The following SUGCT variants were observed in gnomAD, a reference collection of about 807,000 sequenced individuals.
The protein encoded by SUGCT is succinyl-CoA:glutarate-CoA transferase.
In SUGCT, 41 loss-of-function variants were observed where a neutral mutation model predicts 55.0. That is an observed-to-expected ratio of 0.74 (90% CI 0.58 to 0.97). SUGCT has a LOEUF of 0.97. SUGCT is among the 50% of genes least tolerant of loss of function. The pLI is 0.00. For missense variants in SUGCT, 568 were observed against 547.8 expected (o/e 1.04, Z -0.37); for synonymous variants, 187 against 200.4 (o/e 0.93, Z 0.56).
chr7:40,145,984 C>A (rs1237839090), intron 1 of SUGCT, among the ~76,000 whole-genome samples: 2 of 152,292 alleles, frequency 1.3e-5, no homozygotes, highest in East Asian at 3.9e-4. Context: ...AGATTTAGAT[C>A]CTGTTAGGAA....
chr7:40,343,665 AT>A (rs1191933853), intron 9 of SUGCT, among the ~76,000 whole-genome samples: 2 of 150,164 alleles, frequency 1.3e-5, no homozygotes, highest in South Asian at 2.1e-4. Context: ...TTTTATTATT[AT>A]TTTTTTTTGA....
At chr7:40,503,568 AT>A (rs759836698) in intron 12 of SUGCT, among the ~76,000 whole-genome samples, 17 of 152,174 alleles carry the variant, frequency 1.1e-4, no homozygotes, top group Non-Finnish European at 2.5e-4. Flanking sequence ...AGCATGACAA[AT>A]AAGAGGAGAA....
At chr7:40,507,020 T>C (rs973031383) in intron 12 of SUGCT, among the ~76,000 whole-genome samples, 2 of 151,758 alleles carry the variant, frequency 1.3e-5, no homozygotes, top group African/African-American at 4.8e-5. Flanking sequence ...TGATTTGAAG[T>C]TTTTTTTTCT....
At chr7:40,386,874 A>G (rs1785156432) in intron 9 of SUGCT, among the ~76,000 whole-genome samples, 1 of 152,158 alleles carries the variant, frequency 6.6e-6, no homozygotes, top group African/African-American at 2.4e-5. Flanking sequence ...TGTAGGTGCC[A>G]CAGACCAGCC....
intron 12 of SUGCT, among the ~76,000 whole-genome samples, chr7:40,536,020 TG>T (rs1354398312): frequency 2.6e-5 from 4 of 152,218 alleles, no homozygotes; most frequent in African/African-American, 9.6e-5. Flanking sequence ...TGAGGTTATT[TG>T]TTTTTTGCTT....
chr7:40,976,679 G>A, the SUGCT span, among the ~76,000 whole-genome samples: 1 of 152,154 alleles, frequency 6.6e-6, no homozygotes, highest in Non-Finnish European at 1.5e-5. Flanking sequence ...TGAGAGTGGA[G>A]GATGGAATAT....
Position 40,567,333 on chromosome 7 carries a change from A to G in SUGCT, c.1089+70947A>G, listed in dbSNP as rs1796207105. 2.0e-5 allele frequency among the ~76,000 whole-genome samples: 3 copies of G among 152,194 alleles called. No homozygotes were observed. In the South Asian group the frequency reaches 6.2e-4, roughly 31 times the overall value. On this transcript the variant is annotated intron_variant, in intron 12 of 13. Transcript: ENST00000335693. ...GTGCATTAAAAGTATGTGTTTGTTT[A>G]TGCTGGAAATGCATTCGAATGGCAA...
chr7:40,755,830 A>G lies in SUGCT; in HGVS notation c.1153+6333A>G, dbSNP rs538165483. On this transcript the variant is annotated intron_variant, in intron 13 of 13. Transcript: ENST00000335693. ...GGAAGCAGTCTTCTATACATGCAAA[A>G]GGATTCGAAATTGAATTGCTTCTGC... Among the ~76,000 whole-genome samples the G allele has an allele frequency of 1.2e-4, 18 of 152,320 alleles. 2 individuals are homozygous for G. The South Asian group carries it at 3.7e-3, about 32-fold the overall frequency.
chr7:40,324,248 A>ATATATATAT (rs1562681083), intron 9 of SUGCT, among the ~76,000 whole-genome samples: 9 of 111,058 alleles, frequency 8.1e-5, no homozygotes, highest in African/African-American at 3.1e-4. Context: ...TAAATAAATA[A>ATATATATAT]ATAAATATAT....
At chr7:40,165,519 A>G (rs1784377292) in intron 1 of SUGCT, among the ~76,000 whole-genome samples, 1 of 152,230 alleles carries the variant, frequency 6.6e-6, no homozygotes, top group African/African-American at 2.4e-5. Flanking sequence ...ACTAGAGGCC[A>G]AAAAGACAGA....
chr7:40,162,709 A>G (rs946591359), intron 1 of SUGCT, among the ~76,000 whole-genome samples: 1 of 152,174 alleles, frequency 6.6e-6, no homozygotes, highest in African/African-American at 2.4e-5. Context: ...GTTGGTCTCA[A>G]ACTCCAGGGC....
intron 7 of SUGCT, among the ~76,000 whole-genome samples, chr7:40,254,158 A>C (rs1037006081): frequency 2.6e-5 from 4 of 152,220 alleles, no homozygotes; most frequent in Admixed American, 2.6e-4. Context: ...TGTGAAATTT[A>C]TATTGGAAAG....
chr7:40,418,007 T>C (rs1478491708), intron 9 of SUGCT, among the ~76,000 whole-genome samples: 1 of 152,212 alleles, frequency 6.6e-6, no homozygotes, highest in Non-Finnish European at 1.5e-5. Flanking sequence ...GAGTCAAAGC[T>C]TCATGTGATG....
At chr7:40,301,857 G>T (rs1584624136) in intron 8 of SUGCT, among the ~76,000 whole-genome samples, 1 of 152,298 alleles carries the variant, frequency 6.6e-6, no homozygotes, top group South Asian at 2.1e-4. Flanking sequence ...GTGATATGTG[G>T]GGTAGCTCTG....
intron 9 of SUGCT, among the ~76,000 whole-genome samples, chr7:40,372,575 G>T (rs1281060984): frequency 1.3e-5 from 2 of 151,942 alleles, no homozygotes; most frequent in Admixed American, 1.3e-4. Flanking sequence ...AGATACTCCT[G>T]TAGGCTATAG....
intron 8 of SUGCT, among the ~76,000 whole-genome samples, chr7:40,298,759 T>G (rs1285822978): frequency 1.3e-5 from 2 of 151,550 alleles, no homozygotes; most frequent in African/African-American, 4.9e-5. Flanking sequence ...TGGGTCCAGG[T>G]TTTCAAGAGT....
chr7:40,787,315 G>C (rs751949121), intron 13 of SUGCT, among the ~76,000 whole-genome samples: 1 of 152,072 alleles, frequency 6.6e-6, no homozygotes, highest in Non-Finnish European at 1.5e-5. Flanking sequence ...TAAGCCCTGT[G>C]TACTCTTTCC....
intron 12 of SUGCT, among the ~76,000 whole-genome samples, chr7:40,634,575 G>A (rs1412246470): frequency 6.6e-6 from 1 of 152,164 alleles, no homozygotes; most frequent in Non-Finnish European, 1.5e-5. Flanking sequence ...ATCCACTACA[G>A]GTAGGCAAGT....
At chr7:40,300,319 G>A (rs1794455885) in intron 8 of SUGCT, among the ~76,000 whole-genome samples, 1 of 152,212 alleles carries the variant, frequency 6.6e-6, no homozygotes, top group East Asian at 1.9e-4. Flanking sequence ...TGGGTCTCAG[G>A]CCTGTTGAAT....
Sources: gnomAD v4.1 joint callset for allele counts (sites outside exome capture counted in the v4.1 genomes callset) on GRCh38, gnomAD v4.1.1 for gene constraint, MANE v1.5 for transcripts, NCBI Gene and HGNC (gene_info 2026-07-23, HGNC 2026-07-21) for gene names.